Variants in PATJ observed in about 807,000 individuals in gnomAD.
The protein encoded by PATJ is inaD-like protein.
A neutral mutation model predicts 224.9 loss-of-function variants in PATJ; 190 were observed. The observed-to-expected ratio is 0.84, with a 90% CI of 0.75 to 0.95. The LOEUF is 0.95. Among genes scored for constraint, PATJ ranks in the 40% least tolerant of loss-of-function variants. The pLI, the probability that PATJ is intolerant of heterozygous loss-of-function variation, is 0.00. For missense variants in PATJ, 2,121 were observed against 2,270.3 expected (o/e 0.93, Z 1.34); for synonymous variants, 769 against 820.3 (o/e 0.94, Z 1.07).
At chr1:61,947,166 G>T (rs934325424) in intron 27 of PATJ, among the ~76,000 whole-genome samples, 1 of 152,168 alleles carries the variant, frequency 6.6e-6, no homozygotes, top group East Asian at 1.9e-4. Flanking sequence ...ACAAGACAGG[G>T]ATGCCCTCTC....
chr1:61,975,603 A>G (rs1035323652), intron 27 of PATJ, among the ~76,000 whole-genome samples: 3 of 151,936 alleles, frequency 2.0e-5, no homozygotes, highest in African/African-American at 7.3e-5. Flanking sequence ...ATCCTCCTAA[A>G]TGGTCAGCTT....
intron 3 of PATJ, among the ~76,000 whole-genome samples, chr1:61,766,064 A>G (rs191094215): frequency 6.6e-6 from 1 of 152,354 alleles, no homozygotes; most frequent in Admixed American, 6.5e-5. Flanking sequence ...GCAGGAAATA[A>G]GAACAAATTT....
At chr1:61,759,410 CTTT>C (rs56222334) in intron 1 of PATJ, among the ~76,000 whole-genome samples, 9 of 130,088 alleles carry the variant, frequency 6.9e-5, no homozygotes, top group Admixed American at 8.3e-5. Context: ...ATTTTAATTG[CTTT>C]TTTTTTTTTT....
chr1:61,973,967 G>A (rs76012124), intron 27 of PATJ, among the ~76,000 whole-genome samples: 3,631 of 151,776 alleles, frequency 0.024, 179 homozygotes, highest in African/African-American at 0.084. Context: ...TTCTTAGTGT[G>A]CATAAGAATT....
chr1:62,158,524 C>T (rs1003823144), intron 43 of PATJ, among the ~76,000 whole-genome samples: 8 of 148,348 alleles, frequency 5.4e-5, no homozygotes, highest in Admixed American at 1.4e-4. Context: ...TTGAGACCAT[C>T]CTGGCTAACA....
intron 31 of PATJ, among the ~76,000 whole-genome samples, chr1:62,067,008 G>A (rs1465583120): frequency 2.0e-5 from 3 of 152,032 alleles, no homozygotes; most frequent in African/African-American, 7.2e-5. Flanking sequence ...TCTACAATTG[G>A]GGAAATCAAA....
At position 61,991,703 on chromosome 1, in the gene PATJ, C is replaced by T. The variant is rs903257799; in HGVS notation, c.3867+1339C>T. 1.9e-5 allele frequency: 19 copies of T among 984,058 alleles called. No homozygotes were observed. In the African/African-American group the frequency reaches 3.3e-4, roughly 17 times the overall value. The allele number at this position is 984,058 out of a possible 1,614,324, so 61.0% of individuals were successfully genotyped here. On this transcript the variant is annotated intron_variant, in intron 28 of 43. Coordinates refer to ENST00000642238, the MANE Select transcript of PATJ (RefSeq NM_001350145.3). ...TATAATATAGCACCACGAATGGGAC[C>T]CACATTGGGTCGTAACACTGACTAG...
intron 14 of PATJ, among the ~76,000 whole-genome samples, chr1:61,822,397 T>A (rs1314275778): frequency 7.3e-6 from 1 of 136,614 alleles, no homozygotes; most frequent in Non-Finnish European, 1.5e-5. Context: ...GCTTCTGCAC[T>A]CCAGCCTAGG....
Position 62,139,399 on chromosome 1 carries a change from C to CA in PATJ, c.5272-8858dup, listed in dbSNP as rs4019658. Among the ~76,000 whole-genome samples the CA allele has an allele frequency of 7.5e-3, 713 of 94,830 alleles. 27 individuals carry two copies. Among genetic ancestry groups the CA allele is most frequent in the South Asian group, 0.026 (55 of 2,156 alleles). The allele number at this position is 94,830 out of a possible 152,430, so 62.2% of individuals were successfully genotyped here. A position where few individuals can be genotyped will look rare whatever the true frequency, so the allele number is the denominator to read the frequency against. ...TGGGCGACACAGCGAGACTCCATCTCAAAAAAAAAAAAAAAAAAAAAAAAA... is the reference window on the plus strand; with the variant it reads ...TGGGCGACACAGCGAGACTCCATCTCAAAAAAAAAAAAAAAAAAAAAAAAAA... On this transcript the variant is annotated intron_variant, in intron 41 of 43. Coordinates refer to ENST00000642238, the MANE Select transcript of PATJ (RefSeq NM_001350145.3).
chr1:61,861,538 T>C lies in PATJ; in HGVS notation c.2323-13T>C, dbSNP rs368510162. 10 of 1,149,238 alleles carry C rather than the reference T, an allele frequency of 8.7e-6. No individual in the cohort carries two copies. Among genetic ancestry groups the C allele is most frequent in the African/African-American group, 1.6e-5 (1 of 62,394 alleles). 71.2% of individuals were successfully genotyped at this position (1,149,238 alleles called of 1,614,324 possible). On this transcript the variant is annotated splice_polypyrimidine_tract_variant and intron_variant, in intron 18 of 43. Coordinates refer to ENST00000642238, the MANE Select transcript of PATJ (RefSeq NM_001350145.3). The stretch of plus-strand genomic sequence containing the variant: ...TTTTCTTATTTATAAATAAAAGTGG[T>C]TTATATTTTCAGGAAGATAATGAAG...
At chr1:61,792,686 C>T (rs1003506988) in intron 9 of PATJ, among the ~76,000 whole-genome samples, 1 of 151,956 alleles carries the variant, frequency 6.6e-6, no homozygotes, top group Non-Finnish European at 1.5e-5. Flanking sequence ...TACACCACCA[C>T]CCCCGGATAA....
Position 62,114,218 on chromosome 1 carries a change from G to T in PATJ, c.4627G>T (p.Gly1543Cys), listed in dbSNP as rs377151056. 1.7e-5 allele frequency: 28 copies of T among 1,613,748 alleles called. No individual in the cohort carries two copies. Among genetic ancestry groups the T allele is most frequent in the Non-Finnish European group, 2.2e-5 (26 of 1,179,820 alleles). Residue 1543 changes from glycine to cysteine, a missense_variant, in exon 35 of 44, where the codon GGC becomes TGC. Gly to Cys is a radical substitution (Grantham distance 159, BLOSUM62 -3). Coordinates refer to ENST00000642238, the MANE Select transcript of PATJ (RefSeq NM_001350145.3). ...GGATCTGCAGAAGAAAGCTGGCCGG[G>T]GCCTGGGCCTGAGCATCGTTGGGAA... is the stretch of plus-strand genomic sequence containing the variant. ...PVDLQKKAGR[G>C]LGLSIVGKRN...
Position 62,017,947 on chromosome 1 carries a change from G to A in PATJ, c.3959G>A (p.Arg1320Lys). Residue 1320 changes from arginine to lysine, a missense_variant and splice_region_variant, in exon 29 of 44, where the codon AGA becomes AAA. Physicochemically the swap from Arg to Lys is conservative, Grantham distance 26. Transcript: ENST00000642238. ...TCAAAGGTCAAGCTGGTTTTCATCA[G>A]GTAAGATTGCTAGATCTGGTTTTGC... ...APSKVKLVFI[R>K]NEDAVNQMAV... 1 of 1,589,906 alleles carries A rather than the reference G, an allele frequency of 6.3e-7. No individual in the cohort carries two copies. The highest frequency in any genetic ancestry group is 8.6e-7 in the Non-Finnish European group (1 of 1,157,956).
chr1:61,811,829 A>C (rs1654820078), intron 14 of PATJ, among the ~76,000 whole-genome samples: 1 of 151,134 alleles, frequency 6.6e-6, no homozygotes, highest in Non-Finnish European at 1.5e-5. Flanking sequence ...TGGGATGCCG[A>C]GGTGGGTGGA....
At chr1:61,919,666 G>A (rs147322970) in intron 26 of PATJ, among the ~76,000 whole-genome samples, 2 of 151,856 alleles carry the variant, frequency 1.3e-5, no homozygotes, top group East Asian at 3.9e-4. Flanking sequence ...TCTGTTTTTT[G>A]GTACTAAGGG....
intron 8 of PATJ, among the ~76,000 whole-genome samples, chr1:61,789,173 GCA>G (rs1557647158): frequency 6.6e-6 from 1 of 151,864 alleles, no homozygotes; most frequent in African/African-American, 2.4e-5. Flanking sequence ...GCCAGATGTG[GCA>G]CACACCTGTA....
At chr1:61,969,618 A>G (rs1380891503) in intron 27 of PATJ, among the ~76,000 whole-genome samples, 1 of 152,224 alleles carries the variant, frequency 6.6e-6, no homozygotes. Context: ...TAGATATTAT[A>G]TACCCTTATC....
intron 33 of PATJ, among the ~76,000 whole-genome samples, chr1:62,106,170 A>G (rs1290105722): frequency 0.013 from 1,300 of 99,248 alleles, 197 homozygotes; most frequent in Middle Eastern, 0.042. Context: ...ATATATATAT[A>G]TATATATATA....
intron 31 of PATJ, among the ~76,000 whole-genome samples, chr1:62,073,761 A>G (rs185784050): frequency 2.0e-4 from 31 of 152,356 alleles, no homozygotes; most frequent in Admixed American, 1.4e-3. Flanking sequence ...TAGCTGAGGC[A>G]GAAGGCTTGC....
Sources: allele counts gnomAD v4.1 joint callset (sites outside exome capture counted in the v4.1 genomes callset), GRCh38; gene constraint gnomAD v4.1.1; transcripts MANE v1.5; gene names NCBI Gene and HGNC (gene_info 2026-07-23, HGNC 2026-07-21).